Variants in AGBL1 observed in about 807,000 individuals in gnomAD.
The protein encoded by AGBL1 is AGBL carboxypeptidase 1, also known as cytosolic carboxypeptidase 4.
AGBL1 carries 130 observed loss-of-function variants against 118.9 expected under a neutral mutation model. The ratio of observed to expected loss-of-function variants is 1.09; its 90% CI spans 0.95 to 1.26. The LOEUF (loss-of-function observed/expected upper bound fraction) is 1.26. Among genes scored for constraint, AGBL1 ranks in the 50% most tolerant of loss-of-function variants. The probability of loss-of-function intolerance (pLI) is 0.00; values close to 1 mark genes in which losing one functional copy is unlikely to be tolerated. For missense variants in AGBL1, 1,584 were observed against 1,298.1 expected (o/e 1.22, Z -3.38); for synonymous variants, 555 against 478.9 (o/e 1.16, Z -2.08).
At chr15:86,789,845 A>G (rs923486367) in intron 22 of AGBL1, among the ~76,000 whole-genome samples, 1 of 152,090 alleles carries the variant, frequency 6.6e-6, no homozygotes, top group African/African-American at 2.4e-5. Flanking sequence ...AGTCTTATCA[A>G]ATTTATCTGT....
intron 19 of AGBL1, among the ~76,000 whole-genome samples, chr15:86,526,542 G>GTATATA (rs1261876704): frequency 0.03 from 1,235 of 41,312 alleles, 35 homozygotes; most frequent in African/African-American, 0.076. Context: ...GTTTGTGTCT[G>GTATATA]TGTATATATA....
intron 17 of AGBL1, among the ~76,000 whole-genome samples, chr15:86,387,618 GA>G (rs1201701836): frequency 6.6e-6 from 1 of 152,190 alleles, no homozygotes; most frequent in Non-Finnish European, 1.5e-5. Context: ...AATTTGTGAA[GA>G]AGCTGAAAAG....
intron 22 of AGBL1, among the ~76,000 whole-genome samples, chr15:86,864,787 T>C (rs144064486): frequency 2.6e-5 from 4 of 152,308 alleles, no homozygotes; most frequent in East Asian, 3.9e-4. Flanking sequence ...GGAGTTACGA[T>C]GCACAATCAA....
chr15:86,628,584 A>G (rs2447277), intron 21 of AGBL1, among the ~76,000 whole-genome samples: 1 of 151,430 alleles, frequency 6.6e-6, no homozygotes, highest in Non-Finnish European at 1.5e-5. Flanking sequence ...ATCAGGAGGC[A>G]AGGAGATCGA....
chr15:86,951,801 T>G (rs929552008), intron 23 of AGBL1, among the ~76,000 whole-genome samples: 18 of 152,206 alleles, frequency 1.2e-4, no homozygotes, highest in African/African-American at 4.3e-4. Context: ...TTTTGCTTCT[T>G]ATATATTTTC....
At chr15:86,227,126 T>G (rs1408730885) in intron 6 of AGBL1, among the ~76,000 whole-genome samples, 3 of 152,060 alleles carry the variant, frequency 2.0e-5, no homozygotes, top group African/African-American at 7.2e-5. Flanking sequence ...TGCCCCCTTC[T>G]ACCAGAATCT....
intron 22 of AGBL1, among the ~76,000 whole-genome samples, chr15:86,777,069 A>C (rs1324397744): frequency 6.6e-6 from 1 of 151,988 alleles, no homozygotes; most frequent in African/African-American, 2.4e-5. Flanking sequence ...TAATTTTTGC[A>C]TATAGGCAGA....
chr15:86,759,165 A>G (rs1260764030), intron 22 of AGBL1, among the ~76,000 whole-genome samples: 1 of 152,030 alleles, frequency 6.6e-6, no homozygotes, highest in East Asian at 1.9e-4. Flanking sequence ...ATTCATGTTT[A>G]GTTCAGAGAT....
intron 18 of AGBL1, among the ~76,000 whole-genome samples, chr15:86,514,828 T>G (rs12439183): frequency 6.6e-6 from 1 of 151,890 alleles, no homozygotes; most frequent in Non-Finnish European, 1.5e-5. Context: ...TTATTGTTCA[T>G]CTCCTTCATT....
chr15:86,647,677 G>A (rs1320093753), intron 21 of AGBL1, among the ~76,000 whole-genome samples: 1 of 152,068 alleles, frequency 6.6e-6, no homozygotes, highest in Admixed American at 6.6e-5. Context: ...CTCCAGCCTG[G>A]GTGACAGAGC....
chr15:86,653,506 GCA>G (rs2085411537), intron 21 of AGBL1, among the ~76,000 whole-genome samples: 1 of 152,152 alleles, frequency 6.6e-6, no homozygotes, highest in South Asian at 2.1e-4. Context: ...ACAGTGATGA[GCA>G]GCGCACAATC....
chr15:86,264,700 A>G lies in AGBL1; in HGVS notation c.1529A>G (p.Asp510Gly), dbSNP rs1483043808. ...CATCTGAAGCGTGTCCCTTTCCACG[A>G]TCCCTATCTTTATATGGCCAAAGCC... The part of the protein sequence containing the change: ...QTHLKRVPFH[D>G]PYLYMAKARR... Residue 510 changes from aspartate to glycine, a missense_variant, in exon 11 of 23, where the codon GAT (aspartate) becomes GGT (glycine). Transcript: ENST00000614907. 1.9e-6 allele frequency: 3 copies of G among 1,613,828 alleles called. No individual in the cohort carries two copies. The highest frequency in any genetic ancestry group is 2.7e-5 in the African/African-American group (2 of 74,910).
At chr15:86,576,552 T>C (rs886247536) in intron 21 of AGBL1, among the ~76,000 whole-genome samples, 4 of 152,200 alleles carry the variant, frequency 2.6e-5, no homozygotes, top group South Asian at 4.1e-4. Context: ...AGTTACAGTC[T>C]CTTTACACAT....
chr15:86,514,993 C>T (rs907844544), intron 18 of AGBL1, among the ~76,000 whole-genome samples: 1 of 152,138 alleles, frequency 6.6e-6, no homozygotes, highest in Non-Finnish European at 1.5e-5. Context: ...CATAATACTT[C>T]ATTTTGTGAC....
At position 86,989,230 on chromosome 15, in the gene AGBL1, A is replaced by C. The variant is rs149331177; in HGVS notation, c.3323+1142A>C. Among the ~76,000 whole-genome samples, 989 of 151,938 alleles carry C rather than the reference A, an allele frequency of 6.5e-3. 9 individuals carry two copies. Among genetic ancestry groups the C allele is most frequent in the African/African-American group, 0.023 (950 of 41,416 alleles). On this transcript the variant is annotated intron_variant, in intron 24 of 24. Coordinates refer to the AGBL1 transcript ENST00000441037. ...TGCCTGGGCTGGTCTCCAGCTTTGG[A>C]CCTCAAGTTATCATCTTACCTTGGC...
intron 18 of AGBL1, among the ~76,000 whole-genome samples, chr15:86,424,800 C>T (rs148971210): frequency 0.012 from 1,900 of 152,308 alleles, 37 homozygotes; most frequent in African/African-American, 0.044. Context: ...AGCTCATCAT[C>T]ACTGGTCATT....
intron 16 of AGBL1, among the ~76,000 whole-genome samples, chr15:86,289,816 A>G (rs538643945): frequency 1.3e-5 from 2 of 152,302 alleles, no homozygotes; most frequent in Admixed American, 6.5e-5. Context: ...CCTCATCTCA[A>G]ATTTCCTAAT....
Position 86,270,000 on chromosome 15 carries a change from G to A in AGBL1, c.1920G>A (p.Met640Ile), listed in dbSNP as rs1597657390. 2 of 1,613,590 alleles carry A rather than the reference G, an allele frequency of 1.2e-6. No individual in the cohort carries two copies. The highest frequency in any genetic ancestry group is 1.7e-6 in the Non-Finnish European group (2 of 1,179,790). The stretch of plus-strand genomic sequence containing the variant: ...GGTTCTATTTCAAAGTGAGCGGTAT[G>A]CAGGCGGCCATCCCTTACCACTTCA... ...QQWFYFKVSG[M>I]QAAIPYHFNI... Residue 640 changes from methionine to isoleucine, a missense_variant, in exon 14 of 23, where the codon ATG (methionine) becomes ATA (isoleucine). Met to Ile is a conservative substitution (Grantham distance 10). Coordinates refer to ENST00000614907, the MANE Select transcript of AGBL1 (RefSeq NM_001386094.1).
intron 22 of AGBL1, among the ~76,000 whole-genome samples, chr15:86,735,634 GTA>G (rs2077582316): frequency 7.7e-6 from 1 of 129,606 alleles, no homozygotes; most frequent in African/African-American, 3.0e-5. Flanking sequence ...GTGTGTGTGT[GTA>G]TTTCCTGCTA....
Sources: gnomAD v4.1 joint callset for allele counts (sites outside exome capture counted in the v4.1 genomes callset) on GRCh38, gnomAD v4.1.1 for gene constraint, MANE v1.5 for transcripts, NCBI Gene and HGNC (gene_info 2026-07-23, HGNC 2026-07-21) for gene names.